CSMD3: variants seen among roughly 807,000 people sequenced by gnomAD.
CSMD3 encodes CUB and sushi domain-containing protein 3.
Under a neutral mutation model 435.2 loss-of-function variants are expected in CSMD3, and 177 were observed. That is an observed-to-expected ratio of 0.41 (90% CI 0.36 to 0.46). The LOEUF is 0.46. Ranked by LOEUF, CSMD3 falls within the 20% of genes least tolerant of loss-of-function variation. The pLI is 0.34. For synonymous variants in CSMD3, 1,656 were observed against 1,520.5 expected (o/e 1.09, Z -2.07); for missense variants, 4,265 against 4,504.6 (o/e 0.95, Z 1.52).
At position 112,638,687 on chromosome 8, in the gene CSMD3, T is replaced by C. The variant is rs750627229; in HGVS notation, c.3526+9A>G. The C allele has an allele frequency of 7.8e-6, 12 of 1,529,530 alleles. No individual in the cohort carries two copies. The highest frequency in any genetic ancestry group is 9.1e-6 in the Non-Finnish European group (10 of 1,104,074). The allele number at this position is 1,529,530 out of a possible 1,614,324, so 94.7% of individuals were successfully genotyped here. On this transcript the variant is annotated intron_variant, in intron 21 of 70. Transcript: ENST00000297405. ...ACTGAATGAGCCCTTTTGTTTTTTA[T>C]TTTCTCACCAGAGAATGTTATGTTA...
chr8:112,611,619 T>C (rs1175337526), intron 22 of CSMD3, among the ~76,000 whole-genome samples: 2 of 152,162 alleles, frequency 1.3e-5, no homozygotes, highest in Non-Finnish European at 2.9e-5. Flanking sequence ...ACTATTGGCT[T>C]TTTAGATGGC....
At chr8:112,692,917 CTAT>C (rs1563859857) in intron 13 of CSMD3, among the ~76,000 whole-genome samples, 1 of 8,566 alleles carries the variant, frequency 1.2e-4, no homozygotes, top group Non-Finnish European at 2.1e-4. Context: ...ATCTTTATAT[CTAT>C]CTATCTATCT....
At chr8:113,331,274 AAG>A (rs997440974) in intron 1 of CSMD3, among the ~76,000 whole-genome samples, 77 of 151,744 alleles carry the variant, frequency 5.1e-4, no homozygotes, top group Admixed American at 2.0e-4. Context: ...GAACTACAAT[AAG>A]AGATTGAATG....
intron 1 of CSMD3, among the ~76,000 whole-genome samples, chr8:113,433,719 C>T (rs2094689001): frequency 6.6e-6 from 1 of 152,316 alleles, no homozygotes; most frequent in Non-Finnish European, 1.5e-5. Context: ...GATCCACTGA[C>T]AAGCAGCGTG....
chr8:112,655,983 T>A (rs149306871), intron 18 of CSMD3, among the ~76,000 whole-genome samples, 171 bp downstream of exon 18: 1 of 152,242 alleles, frequency 6.6e-6, no homozygotes, highest in African/African-American at 2.4e-5. Flanking sequence ...CTGGAAAATC[T>A]ATTGCAGAAT....
chr8:113,023,300 G>C (rs1421538933), intron 5 of CSMD3, among the ~76,000 whole-genome samples: 1 of 151,952 alleles, frequency 6.6e-6, no homozygotes, highest in African/African-American at 2.4e-5. Flanking sequence ...TCCATAGGTG[G>C]AGTCAAATCT....
At chr8:112,863,607 T>C (rs2080885983) in intron 10 of CSMD3, among the ~76,000 whole-genome samples, 1 of 152,090 alleles carries the variant, frequency 6.6e-6, no homozygotes, top group Non-Finnish European at 1.5e-5. Flanking sequence ...ATTTCTTTAT[T>C]ATCCATTATT....
At chr8:112,940,297 T>G (rs1245160986) in intron 9 of CSMD3, among the ~76,000 whole-genome samples, 2 of 151,786 alleles carry the variant, frequency 1.3e-5, no homozygotes, top group East Asian at 3.9e-4. Context: ...CAAATTGTTA[T>G]TTGCTCTCAA....
intron 35 of CSMD3, among the ~76,000 whole-genome samples, chr8:112,395,043 C>T (rs1830749409): frequency 6.6e-6 from 1 of 152,150 alleles, no homozygotes; most frequent in Admixed American, 6.5e-5. Flanking sequence ...TCTAATTCTA[C>T]TGCAATCATA....
At chr8:113,175,210 A>AT (rs963096512) in intron 3 of CSMD3, among the ~76,000 whole-genome samples, 31 of 151,926 alleles carry the variant, frequency 2.0e-4, no homozygotes, top group African/African-American at 7.2e-4. Context: ...ACTTTCATTA[A>AT]TTTTTTGCCT....
At chr8:112,896,822 T>A (rs1463078720) in intron 10 of CSMD3, among the ~76,000 whole-genome samples, 1 of 151,458 alleles carries the variant, frequency 6.6e-6, no homozygotes, top group African/African-American at 2.4e-5. Flanking sequence ...ATAGCCTCTA[T>A]AAAAAACAAT....
chr8:113,307,490 ACC>A, intron 2 of CSMD3, among the ~76,000 whole-genome samples: 1 of 152,144 alleles, frequency 6.6e-6, no homozygotes, highest in Non-Finnish European at 1.5e-5. Context: ...TTATTGTACT[ACC>A]AGAAAGCACT....
intron 3 of CSMD3, among the ~76,000 whole-genome samples, chr8:113,183,969 A>G (rs2092461001): frequency 6.6e-6 from 1 of 152,020 alleles, no homozygotes; most frequent in Non-Finnish European, 1.5e-5. Context: ...TGGCAATAGT[A>G]TCAGATCTCA....
intron 3 of CSMD3, among the ~76,000 whole-genome samples, chr8:113,181,840 T>C (rs1173075627): frequency 6.6e-6 from 1 of 152,024 alleles, no homozygotes; most frequent in Non-Finnish European, 1.5e-5. Context: ...TTTGATAGAT[T>C]AATTCAGAAT....
intron 24 of CSMD3, among the ~76,000 whole-genome samples, chr8:112,568,053 G>A (rs889588416): frequency 2.3e-4 from 35 of 152,172 alleles, no homozygotes; most frequent in African/African-American, 7.0e-4. Context: ...GACTCAATAA[G>A]GGAGTTGGAT....
chr8:112,795,387 G>GA (rs1450034089), intron 13 of CSMD3, among the ~76,000 whole-genome samples: 1 of 152,102 alleles, frequency 6.6e-6, no homozygotes, highest in Non-Finnish European at 1.5e-5. Context: ...AATGGATACA[G>GA]AAAAATGTTT....
intron 3 of CSMD3, among the ~76,000 whole-genome samples, chr8:113,264,562 T>C (rs1395727061): frequency 6.6e-6 from 1 of 151,490 alleles, no homozygotes; most frequent in Non-Finnish European, 1.5e-5. Context: ...ACTTAAGCAA[T>C]TTTTCATTCT....
chr8:112,270,351 T>A (rs1399279028), intron 59 of CSMD3, among the ~76,000 whole-genome samples: 2 of 58,396 alleles, frequency 3.4e-5, no homozygotes, highest in Non-Finnish European at 5.9e-5. Context: ...TGAGTGTGTG[T>A]GTGTGTGTGT....
At chr8:112,618,133 G>T (rs913598672) in intron 22 of CSMD3, among the ~76,000 whole-genome samples, 9 of 152,014 alleles carry the variant, frequency 5.9e-5, no homozygotes, top group African/African-American at 2.2e-4. Flanking sequence ...TCACCTAAAA[G>T]ATACTTTTTC....
Sources: allele counts gnomAD v4.1 joint callset (sites outside exome capture counted in the v4.1 genomes callset), GRCh38; gene constraint gnomAD v4.1.1; transcripts MANE v1.5; gene names NCBI Gene and HGNC (gene_info 2026-07-23, HGNC 2026-07-21).